The following PYGL variants were observed in gnomAD, a reference collection of about 807,000 sequenced individuals.
PYGL encodes the protein glycogen phosphorylase, liver form.
Under a neutral mutation model 100.1 loss-of-function variants are expected in PYGL, and 90 were observed. That is an observed-to-expected ratio of 0.90 (90% CI 0.76 to 1.07). The LOEUF (loss-of-function observed/expected upper bound fraction) is 1.07, where lower values mean the gene tolerates loss of function less well. Among genes scored for constraint, PYGL ranks in the 50% least tolerant of loss-of-function variants. PYGL has a pLI of 0.00. For missense variants in PYGL, 1,016 were observed against 1,057.6 expected (o/e 0.96, Z 0.55); for synonymous variants, 373 against 393.0 (o/e 0.95, Z 0.60).
chr14:50,918,730 C>T (rs891075803), intron 7 of PYGL, among the ~76,000 whole-genome samples: 11 of 152,140 alleles, frequency 7.2e-5, no homozygotes, highest in Admixed American at 6.5e-4. Context: ...CGTAAAATCT[C>T]AGAAATTACC....
chr14:50,937,602 T>G lies in PYGL; in HGVS notation c.345+134A>C, dbSNP rs377196133. On this transcript the variant is annotated intron_variant, in intron 2 of 19. Coordinates refer to ENST00000216392, the MANE Select transcript of PYGL (RefSeq NM_002863.5). ...ACCAGTGATGTATATTTCTAAAAGT[T>G]TGTAATAGCCACATCTATAGAGGCG... 5.9e-5 allele frequency: 48 copies of G among 811,264 alleles called. No individual in the cohort carries two copies. The African/African-American group carries it at 7.5e-4, about 13-fold the overall frequency. 50.3% of individuals were successfully genotyped at this position (811,264 alleles called of 1,614,324 possible).
intron 4 of PYGL, among the ~76,000 whole-genome samples, chr14:50,924,388 A>T (rs1872528266): frequency 6.6e-6 from 1 of 152,246 alleles, no homozygotes; most frequent in South Asian, 2.1e-4. Flanking sequence ...TCAAACAGTA[A>T]ACGATAGAGA....
chr14:50,907,462 G>A (rs2142784805), intron 19 of PYGL, among the ~76,000 whole-genome samples: 1 of 152,276 alleles, frequency 6.6e-6, no homozygotes, highest in East Asian at 1.9e-4. Context: ...GAATCTCTCA[G>A]TGCGGGGGCT....
intron 19 of PYGL, among the ~76,000 whole-genome samples, chr14:50,907,076 G>GT (rs928546326): frequency 2.4e-4 from 37 of 152,188 alleles, no homozygotes; most frequent in African/African-American, 8.9e-4. Flanking sequence ...TTCACTAAAA[G>GT]TCTCTCCTAT....
In PYGL at chr14:50,908,830, T is replaced by A. The variant is rs138807398; in HGVS notation, c.2303A>T (p.Tyr768Phe). 1 of 1,566,636 alleles carries A rather than the reference T, an allele frequency of 6.4e-7. No homozygotes were observed. Among genetic ancestry groups the A allele is most frequent in the African/African-American group, 1.4e-5 (1 of 73,762 alleles). ...LFKDIINMLF[Y>F]HDRFKVFADY... is the part of the protein sequence containing the mutation. ...TCTTATGGGAACTCACCTGTCATGA[T>A]AAAATAGCATGTTGATGATATCTTT... Residue 768 changes from tyrosine (Y) to phenylalanine (F), a missense_variant, in exon 18 of 20, where the codon TAT becomes TTT. Physicochemically the swap from Tyr to Phe is conservative, Grantham distance 22. Coordinates refer to ENST00000216392, the MANE Select transcript of PYGL (RefSeq NM_002863.5).
intron 2 of PYGL, 30 bp downstream of exon 2, chr14:50,937,706 C>G: frequency 6.4e-7 from 1 of 1,573,972 alleles, no homozygotes; most frequent in Non-Finnish European, 8.7e-7. Flanking sequence ...TTTAAAGAGA[C>G]AGGATGAGAG....
intron 7 of PYGL, among the ~76,000 whole-genome samples, chr14:50,919,949 G>A (rs2050485866): frequency 6.6e-6 from 1 of 151,806 alleles, no homozygotes; most frequent in East Asian, 1.9e-4. Flanking sequence ...CTCCCAAAGT[G>A]CTGGGATTAC....
intron 1 of PYGL, among the ~76,000 whole-genome samples, chr14:50,939,203 A>T (rs1020024891): frequency 6.6e-6 from 1 of 152,030 alleles, no homozygotes; most frequent in Non-Finnish European, 1.5e-5. Context: ...TGCCCAGCTA[A>T]TTTTTGTATT....
intron 7 of PYGL, among the ~76,000 whole-genome samples, chr14:50,919,302 G>A (rs2050480102): frequency 6.6e-6 from 1 of 152,078 alleles, no homozygotes; most frequent in African/African-American, 2.4e-5. Flanking sequence ...TTTGCTTTTG[G>A]GTTAGAGATT....
At chr14:50,915,162 TCTTTC>T (rs2050433751) in intron 11 of PYGL, 169 bp downstream of exon 11, 2 of 868,364 alleles carry the variant, frequency 2.3e-6, no homozygotes, top group Non-Finnish European at 3.5e-6. Context: ...AGCATTCTTT[TCTTTC>T]CTTTTCTTTT....
chr14:50,931,803 G>T (rs376341728), intron 3 of PYGL, 27 bp from the exon 4 acceptor site: 3 of 1,600,284 alleles, frequency 1.9e-6, no homozygotes, highest in Non-Finnish European at 2.6e-6. Flanking sequence ...ACAGGCAAAA[G>T]ATAGAGTCAT....
In PYGL at chr14:50,914,788, A is replaced by G; in HGVS notation, c.1431T>C (p.Pro477=). 6.2e-7 allele frequency: 1 copy of G among 1,613,938 alleles called. No homozygotes were observed. Among genetic ancestry groups the G allele is most frequent in the African/African-American group, 1.3e-5 (1 of 75,022 alleles). Residue 477 remains proline, a synonymous_variant, in exon 12 of 20, where the codon CCT becomes CCC. Transcript: ENST00000216392. ...KVFKDFSELE[P]DKFQNKTNGI... is the part of the protein sequence containing the mutation. ...CATTGGTTTTATTCTGAAACTTGTC[A>G]GGTTCTAGCTCACTGAAGTCCTTGA...
chr14:50,919,992 T>G (rs1436947209), intron 7 of PYGL, among the ~76,000 whole-genome samples: 2 of 142,926 alleles, frequency 1.4e-5, no homozygotes, highest in Non-Finnish European at 3.2e-5. Context: ...CCCCAAGTGT[T>G]TTTTTTTTTT....
intron 5 of PYGL, among the ~76,000 whole-genome samples, chr14:50,922,029 CAG>C (rs2050507488): frequency 6.6e-6 from 1 of 152,210 alleles, no homozygotes. Context: ...ATCTTTGTGA[CAG>C]TCACTGAAAT....
chr14:50,940,531 G>A (rs1029173239), intron 1 of PYGL, among the ~76,000 whole-genome samples: 3 of 152,208 alleles, frequency 2.0e-5, no homozygotes, highest in South Asian at 2.1e-4. Context: ...GGACAGGAAC[G>A]TAAGGTGATT....
intron 2 of PYGL, among the ~76,000 whole-genome samples, chr14:50,935,732 C>T (rs2050648954): frequency 6.6e-6 from 1 of 152,174 alleles, no homozygotes; most frequent in Non-Finnish European, 1.5e-5. Flanking sequence ...TCAGACGTTC[C>T]AGAATGGACT....
Position 50,937,758 on chromosome 14 carries a change from G to A in PYGL, c.323C>T (p.Ala108Val), listed in dbSNP as rs1383375391. The change falls in exon 2 of 20, where the codon GCC becomes GTC. Residue 108 changes from alanine (A) to valine (V), a missense_variant. Physicochemically the swap from Ala to Val is moderately conservative, Grantham distance 64. Coordinates refer to ENST00000216392, the MANE Select transcript of PYGL (RefSeq NM_002863.5). ...TACCTGGTAAATGGCCTCATCACAG[G>A]CATTTTGCAGACCGAGGTTGATCAT... Reference protein sequence around the residue: ...NTMINLGLQNACDEAIYQLGL... With the variant: ...NTMINLGLQNVCDEAIYQLGL... The A allele has an allele frequency of 5.0e-6, 8 of 1,613,850 alleles. No homozygotes were observed. Among genetic ancestry groups the A allele is most frequent in the East Asian group, 2.2e-5 (1 of 44,880 alleles).
chr14:50,908,591 T>C (rs1267754296), intron 18 of PYGL, among the ~76,000 whole-genome samples: 2 of 152,196 alleles, frequency 1.3e-5, no homozygotes, highest in African/African-American at 2.4e-5. Context: ...CAGATTTGTG[T>C]GTGTTATTCT....
chr14:50,931,561 G>T, intron 4 of PYGL, 112 bp downstream of exon 4: 1 of 997,286 alleles, frequency 1.0e-6, no homozygotes, highest in Non-Finnish European at 1.5e-6. Flanking sequence ...CCAACCAAAT[G>T]CCAGAGAAAT....
Sources: gnomAD v4.1 joint callset for allele counts (sites outside exome capture counted in the v4.1 genomes callset) on GRCh38, gnomAD v4.1.1 for gene constraint, MANE v1.5 for transcripts, NCBI Gene and HGNC (gene_info 2026-07-23, HGNC 2026-07-21) for gene names.